Variants in PCDHA5 observed in about 807,000 individuals in gnomAD.
The protein encoded by PCDHA5 is protocadherin alpha 5, also known as protocadherin alpha-5.
A neutral mutation model predicts 61.6 loss-of-function variants in PCDHA5; 43 were observed. That is an observed-to-expected ratio of 0.70 (90% CI 0.55 to 0.90). The LOEUF is 0.90. Ranked by LOEUF, PCDHA5 falls within the 40% of genes least tolerant of loss-of-function variation. The pLI is 0.00. For missense variants in PCDHA5, 1,298 were observed against 1,222.7 expected (o/e 1.06, Z -0.92); for synonymous variants, 627 against 543.9 (o/e 1.15, Z -2.13).
intron 1 of PCDHA5, chr5:140,829,111 T>A: frequency 6.2e-7 from 1 of 1,612,018 alleles, no homozygotes; most frequent in Non-Finnish European, 8.5e-7. Flanking sequence ...TAGTGAGAAT[T>A]TTGGATAAAA....
intron 1 of PCDHA5, among the ~76,000 whole-genome samples, chr5:140,910,641 C>G (rs1270893523): frequency 6.6e-6 from 1 of 152,206 alleles, no homozygotes; most frequent in Non-Finnish European, 1.5e-5. Context: ...CTCCCTAAAC[C>G]TTTTGATCCC....
chr5:140,965,242 A>T (rs1373643411), intron 1 of PCDHA5, among the ~76,000 whole-genome samples: 2 of 152,196 alleles, frequency 1.3e-5, no homozygotes, highest in African/African-American at 4.8e-5. Context: ...GGGAAGAGTG[A>T]ATATTCAGAA....
chr5:140,949,892 C>G (rs2094430270), intron 1 of PCDHA5, among the ~76,000 whole-genome samples: 1 of 151,674 alleles, frequency 6.6e-6, no homozygotes, highest in African/African-American at 2.4e-5. Context: ...TCCTCAGAAT[C>G]TCTTTTAATT....
intron 1 of PCDHA5, chr5:140,884,436 G>A (rs782218831): frequency 6.2e-7 from 1 of 1,613,888 alleles, no homozygotes; most frequent in East Asian, 2.2e-5. Flanking sequence ...GCGCTGCGGT[G>A]CTCGGCACCG....
intron 1 of PCDHA5, among the ~76,000 whole-genome samples, chr5:140,933,701 A>G (rs1204346571): frequency 6.6e-6 from 1 of 151,814 alleles, no homozygotes; most frequent in East Asian, 1.9e-4. Flanking sequence ...CCTCGGACAC[A>G]TTTACTGAGA....
chr5:140,993,539 T>C (rs1433781690), intron 3 of PCDHA5, among the ~76,000 whole-genome samples: 7 of 128,018 alleles, frequency 5.5e-5, no homozygotes, highest in Non-Finnish European at 1.0e-4. Flanking sequence ...GAGAGAGAGA[T>C]AGAGAAGTGA....
intron 1 of PCDHA5, chr5:140,848,229 G>T: frequency 2.5e-6 from 1 of 402,640 alleles, no homozygotes; most frequent in South Asian, 5.0e-5. Flanking sequence ...TTAAGAAAAT[G>T]AAATAAGTTT....
intron 1 of PCDHA5, chr5:140,860,573 A>G (rs1299479847): frequency 6.6e-6 from 1 of 152,226 alleles, no homozygotes; most frequent in Non-Finnish European, 1.5e-5. Context: ...ATCATACACA[A>G]GAAGGTATAG....
chr5:140,822,361 A>G lies in PCDHA5; in HGVS notation c.586A>G (p.Arg196Gly). The change falls in exon 1 of 4, where the codon AGG becomes GGG. Residue 196 changes from arginine (R) to glycine (G), a missense_variant. Physicochemically the swap from Arg to Gly is moderately radical, Grantham distance 125 (BLOSUM62 -2). Transcript: ENST00000529859. ...EETNFLELVL[R>G]KSLDREETQE... The stretch of plus-strand genomic sequence containing the variant: ...AACGAACTTTTTAGAGCTGGTTTTG[A>G]GGAAATCCTTAGATAGAGAAGAAAC... The G allele has an allele frequency of 1.2e-6, 2 of 1,614,164 alleles. No homozygotes were observed. Among genetic ancestry groups the G allele is most frequent in the Non-Finnish European group, 1.7e-6 (2 of 1,180,030 alleles).
At chr5:140,949,691 T>C (rs2094413493) in intron 1 of PCDHA5, among the ~76,000 whole-genome samples, 1 of 151,872 alleles carries the variant, frequency 6.6e-6, no homozygotes, top group Non-Finnish European at 1.5e-5. Context: ...AAGCGTATTG[T>C]TGGATCTTGC....
rs548585515 is a variant in PCDHA5 at position 140,853,706 on chromosome 5, G to A, written c.2352+29579G>A. 358 of 988,170 alleles carry A rather than the reference G, an allele frequency of 3.6e-4. 28 individuals are homozygous for A. The South Asian group carries it at 0.015, about 41-fold the overall frequency. The allele number at this position is 988,170 out of a possible 1,614,324, so 61.2% of individuals were successfully genotyped here. A position where few individuals can be genotyped will look rare whatever the true frequency, so the allele number is the denominator to read the frequency against. ...TATCCTTAGACCTGCTAACGCATTA[G>A]CATTAGCAGCACCTAAGTCCTCATT... On this transcript the variant is annotated intron_variant, in intron 1 of 3. Coordinates refer to ENST00000529859, the MANE Select transcript of PCDHA5 (RefSeq NM_018908.3).
chr5:140,882,708 C>T, intron 1 of PCDHA5: 2 of 1,614,174 alleles, frequency 1.2e-6, no homozygotes, highest in Non-Finnish European at 1.7e-6. Flanking sequence ...GAATCTAGAC[C>T]TCCGGAAACT....
At chr5:140,967,371 A>C in intron 1 of PCDHA5, 1 of 1,607,094 alleles carries the variant, frequency 6.2e-7, no homozygotes, top group Non-Finnish European at 8.5e-7. Context: ...CCCCTGCAGG[A>C]GAACAGTAAA....
intron 1 of PCDHA5, chr5:140,824,633 A>ATTTTTTTTTTTT (rs1768300205): frequency 9.8e-6 from 1 of 102,004 alleles, no homozygotes; most frequent in Non-Finnish European, 1.9e-5. Flanking sequence ...TTTTTTTTTT[A>ATTTTTTTTTTTT]TTTTCTGTAG....
Position 140,869,285 on chromosome 5 carries a change from A to C in PCDHA5, c.2352+45158A>C, listed in dbSNP as rs201493000. The stretch of plus-strand genomic sequence containing the variant: ...GGGCTGGAGCTGGCGGAGCTGGTGC[A>C]GCGCCTGTTCCGGGTGGCGTCCAAA... On this transcript the variant is annotated intron_variant, in intron 1 of 3. Transcript: ENST00000529859. The C allele has an allele frequency of 2.9e-3, 4,695 of 1,613,540 alleles. 19 individuals carry two copies. Among genetic ancestry groups the C allele is most frequent in the African/African-American group, 9.9e-3 (743 of 75,038 alleles).
chr5:140,986,018 C>T (rs943946792), intron 3 of PCDHA5, among the ~76,000 whole-genome samples: 2 of 152,110 alleles, frequency 1.3e-5, no homozygotes, highest in African/African-American at 2.4e-5. Flanking sequence ...GGATTACAGG[C>T]GTGAGCCACT....
rs139533789 is a variant in PCDHA5, at chr5:140,857,716, C to T, written c.2352+33589C>T. On this transcript the variant is annotated intron_variant, in intron 1 of 3. Coordinates refer to ENST00000529859, the MANE Select transcript of PCDHA5 (RefSeq NM_018908.3). Reference sequence around the variant, plus strand: ...TGACGCTGCAGGTGTTCGTGCTGGACGAGAACGACAACGCTCCCGCGCTGC... The same window carrying T: ...TGACGCTGCAGGTGTTCGTGCTGGATGAGAACGACAACGCTCCCGCGCTGC... 4,225 of 1,597,384 alleles carry T rather than the reference C, an allele frequency of 2.6e-3. 332 individuals are homozygous for T. The highest frequency in any genetic ancestry group is 8.2e-3 in the Middle Eastern group (46 of 5,608).
In PCDHA5 at chr5:140,903,129, A is replaced by C. The variant is rs184256724; in HGVS notation, c.2353-75820A>C. On this transcript the variant is annotated intron_variant, in intron 1 of 3. Coordinates refer to ENST00000529859, the MANE Select transcript of PCDHA5 (RefSeq NM_018908.3). ...TAGCTCTACTTCTAAATCTTTAAGA[A>C]ATCTCCAAACTGTTTTCCATAGTGG... Among the ~76,000 whole-genome samples the C allele has an allele frequency of 2.8e-3, 421 of 152,322 alleles. 2 individuals carry two copies. Among genetic ancestry groups the C allele is most frequent in the Middle Eastern group, 0.014 (4 of 294 alleles).
intron 1 of PCDHA5, among the ~76,000 whole-genome samples, chr5:140,886,264 A>T (rs1471846282): frequency 3.3e-5 from 5 of 151,982 alleles, no homozygotes; most frequent in Admixed American, 3.3e-4. Flanking sequence ...CTATTTATAG[A>T]TAAAATTTTT....
Sources: gnomAD v4.1 joint callset for allele counts (sites outside exome capture counted in the v4.1 genomes callset) on GRCh38, gnomAD v4.1.1 for gene constraint, MANE v1.5 for transcripts, NCBI Gene and HGNC (gene_info 2026-07-23, HGNC 2026-07-21) for gene names.